GNAT2: variants seen among roughly 807,000 people sequenced by gnomAD.
GNAT2 encodes G protein subunit alpha transducin 2, also known as guanine nucleotide-binding protein G(t) subunit alpha-2.
GNAT2 carries 32 observed loss-of-function variants against 40.9 expected under a neutral mutation model. That is an observed-to-expected ratio of 0.78 (90% CI 0.59 to 1.05). The LOEUF (loss-of-function observed/expected upper bound fraction) is 1.05. Ranked by LOEUF, GNAT2 falls within the 50% of genes least tolerant of loss-of-function variation. The pLI, the probability that GNAT2 is intolerant of heterozygous loss-of-function variation, is 0.00. For missense variants in GNAT2, 355 were observed against 431.5 expected (o/e 0.82, Z 1.57); for synonymous variants, 141 against 157.2 (o/e 0.90, Z 0.77).
At chr1:109,618,221 T>G (rs1477091906) in intron 1 of GNAT2, 4 of 152,222 alleles carry the variant, frequency 2.6e-5, no homozygotes, top group Non-Finnish European at 1.5e-5. Context: ...CCCATGTATA[T>G]CACATAAGTA....
chr1:109,612,272 A>C (rs756026984), intron 2 of GNAT2: 8 of 189,758 alleles, frequency 4.2e-5, no homozygotes, highest in Non-Finnish European at 7.9e-5. Flanking sequence ...GAAAGCAAGA[A>C]GGAACCACTA....
chr1:109,612,764 A>T lies in GNAT2; in HGVS notation c.107T>A (p.Leu36Gln), dbSNP rs1240543072. 6.3e-7 allele frequency: 1 copy of T among 1,588,622 alleles called. No individual in the cohort carries two copies. Among genetic ancestry groups the T allele is most frequent in the South Asian group, 1.1e-5 (1 of 90,652 alleles). Residue 36 changes from leucine (L) to glutamine (Q), a missense_variant, in exon 2 of 9, where the codon CTG becomes CAG. By Grantham distance (113) the Leu-to-Gln change is moderately radical (BLOSUM62 -2). Coordinates refer to ENST00000679935, the MANE Select transcript of GNAT2 (RefSeq NM_001377295.2). ...DADKEAKTVKLLLLGAGESGK... is the reference protein window; with the variant it reads ...DADKEAKTVKQLLLGAGESGK... ...CCCATCTCACTCACCCAGCAGTAGC[A>T]GCTTGACAGTCTTGGCTTCCTTATC...
chr1:109,614,903 A>C (rs1425471591), intron 1 of GNAT2: 2 of 152,198 alleles, frequency 1.3e-5, no homozygotes, highest in East Asian at 3.9e-4. Context: ...CTTAAGGAAA[A>C]ACAGGAGAGT....
In GNAT2 at chr1:109,609,860, G is replaced by T. The variant is rs1649737173; in HGVS notation, c.303+180C>A. On this transcript the variant is annotated intron_variant, in intron 4 of 8. Transcript: ENST00000679935. ...TACCTTAAGGTCTTACTGCGTAGAT[G>T]GGTAAAGGGCCTTGAGATGGTATAC... 8.7e-6 allele frequency: 6 copies of T among 687,586 alleles called. No individual in the cohort carries two copies. The South Asian group carries it at 9.1e-5, about 10-fold the overall frequency. The allele number at this position is 687,586 out of a possible 1,614,324, so 42.6% of individuals were successfully genotyped here.
Position 109,603,377 on chromosome 1 carries a change from G to A in GNAT2, c.1042C>T (p.Leu348Phe), listed in dbSNP as rs1649490874. The A allele has an allele frequency of 6.2e-7, 1 of 1,600,270 alleles. No homozygotes were observed. Among genetic ancestry groups the A allele is most frequent in the African/African-American group, 1.3e-5 (1 of 74,582 alleles). ...GATTAGAAGAGGCCGCAGTCCTTGAGGTTTTCTTTGATGATAATATCTGTA... is the reference window on the plus strand; with the variant it reads ...GATTAGAAGAGGCCGCAGTCCTTGAAGTTTTCTTTGATGATAATATCTGTA... Reference protein sequence around the residue: ...AVTDIIIKENLKDCGLF With the variant: ...AVTDIIIKENFKDCGLF Residue 348 changes from leucine to phenylalanine, a missense_variant, in exon 9 of 9, where the codon CTC (leucine) becomes TTC (phenylalanine). By Grantham distance (22) the Leu-to-Phe change is conservative. Coordinates refer to ENST00000679935, the MANE Select transcript of GNAT2 (RefSeq NM_001377295.2).
chr1:109,607,580 A>G (rs1208980222), intron 5 of GNAT2: 1 of 152,200 alleles, frequency 6.6e-6, no homozygotes, highest in African/African-American at 2.4e-5. Flanking sequence ...TTAAACTCCT[A>G]AGCCATCAAG....
chr1:109,610,095 G>A lies in GNAT2; in HGVS notation c.248C>T (p.Ala83Val). 2 of 1,613,812 alleles carry A rather than the reference G, an allele frequency of 1.2e-6. No individual in the cohort carries two copies. Among genetic ancestry groups the A allele is most frequent in the Non-Finnish European group, 1.7e-6 (2 of 1,179,688 alleles). Reference protein sequence around the residue: ...IYGNVLQSILAIIRAMTTLGI... With the variant: ...IYGNVLQSILVIIRAMTTLGI... The stretch of plus-strand genomic sequence containing the variant: ...CAGTGTGGTCATGGCCCGGATGATA[G>A]CCAGGATGGACTGCAGCACATTTCC... The change falls in exon 4 of 9, where the codon GCT becomes GTT. Residue 83 changes from alanine (A) to valine (V), a missense_variant. Ala to Val is a moderately conservative substitution (Grantham distance 64). Transcript: ENST00000679935.
At position 109,603,516 on chromosome 1, in the gene GNAT2, A is replaced by G; in HGVS notation, c.903T>C (p.Asn301=). 1.9e-6 allele frequency: 3 copies of G among 1,610,940 alleles called. No homozygotes were observed. Among genetic ancestry groups the G allele is most frequent in the Non-Finnish European group, 1.7e-6 (2 of 1,177,156 alleles). Residue 301 remains asparagine (N), a synonymous_variant, in exon 9 of 9, where the codon AAT becomes AAC. Coordinates refer to ENST00000679935, the MANE Select transcript of GNAT2 (RefSeq NM_001377295.2). ...DGNNSYDDAG[N]YIKSQFLDLN... ...GGTCAAGGAACTGGCTCTTTATGTA[A>G]TTCCCCGCATCATCATAGGAGTTGT...
chr1:109,608,468 A>G (rs530205833), intron 5 of GNAT2, 163 bp downstream of exon 5: 1 of 719,058 alleles, frequency 1.4e-6, no homozygotes, highest in South Asian at 1.5e-5. Context: ...AATTCAAAAC[A>G]TTGCTGAAGC....
intron 5 of GNAT2, chr1:109,608,211 A>G (rs60869358): frequency 0.034 from 9,662 of 282,288 alleles, 890 homozygotes; most frequent in African/African-American, 0.19. Flanking sequence ...CCAGATAGAA[A>G]ATTCTGCCCT....
chr1:109,612,828 T>C lies in GNAT2; in HGVS notation c.43A>G (p.Arg15Gly), dbSNP rs1301191172. ...AGCTTCTTTTCTAGCTCCTTGGACC[T>C]CTTGGCCAGTTCTTTGTCCTCAGCA... ...ASAEDKELAK[R>G]SKELEKKLQE... Residue 15 changes from arginine (R) to glycine (G), a missense_variant, in exon 2 of 9, where the codon AGG (arginine) becomes GGG (glycine). By Grantham distance (125) the Arg-to-Gly change is moderately radical (BLOSUM62 -2). Transcript: ENST00000679935. 6.2e-7 allele frequency: 1 copy of C among 1,613,658 alleles called. No homozygotes were observed. The highest frequency in any genetic ancestry group is 1.7e-5 in the Admixed American group (1 of 60,024).
chr1:109,609,141 G>A (rs960070152), intron 4 of GNAT2: 4 of 352,390 alleles, frequency 1.1e-5, no homozygotes, highest in Admixed American at 7.8e-5. Context: ...GATTGACCAT[G>A]AAATAGACAA....
intron 5 of GNAT2, 56 bp downstream of exon 5, chr1:109,608,575 A>G: frequency 6.4e-7 from 1 of 1,551,834 alleles, no homozygotes; most frequent in South Asian, 1.1e-5. Flanking sequence ...ACCAGAGAGA[A>G]GACTGGCTAG....
At chr1:109,605,855 A>G (rs1312327969) in intron 7 of GNAT2, 115 bp downstream of exon 7, 2 of 885,136 alleles carry the variant, frequency 2.3e-6, no homozygotes, top group Non-Finnish European at 3.9e-6. Context: ...GGTCTGCTGG[A>G]GGGCTGCTAG....
intron 8 of GNAT2, 181 bp downstream of exon 8, chr1:109,603,770 T>A: frequency 1.5e-6 from 1 of 669,124 alleles, no homozygotes; most frequent in Non-Finnish European, 2.7e-6. Flanking sequence ...AGGTATCATA[T>A]GAAGTCAGTG....
At chr1:109,614,417 T>A (rs934321234) in intron 1 of GNAT2, 1 of 152,214 alleles carries the variant, frequency 6.6e-6, no homozygotes, top group Admixed American at 6.5e-5. Context: ...AGCATCAAAC[T>A]CCAGAGCCAG....
rs774099409 is a variant in GNAT2, at chr1:109,606,362, ACT to A, written c.534_535del (p.Arg178SerfsTer8). ...GGTTTCAATGATGCCCGTGGTTTTG[ACT>A]CTGGATCGGAGCACATCTTGCTCAC... On this transcript the variant is annotated frameshift_variant, in exon 6 of 9. Transcript: ENST00000679935. LOFTEE classifies it high-confidence loss of function. 1.4e-5 allele frequency: 23 copies of A among 1,612,498 alleles called. No homozygotes were observed. The highest frequency in any genetic ancestry group is 2.0e-5 in the Non-Finnish European group (23 of 1,178,728).
At chr1:109,619,067 TCCA>T (rs1048550285) in intron 1 of GNAT2, among the ~76,000 whole-genome samples, 8 of 152,200 alleles carry the variant, frequency 5.3e-5, no homozygotes, top group Admixed American at 4.6e-4. Context: ...GGGACTTCCC[TCCA>T]CAAGTTCCCT....
At chr1:109,614,348 TAGA>T (rs1233702565) in intron 1 of GNAT2, 1 of 152,224 alleles carries the variant, frequency 6.6e-6, no homozygotes, top group Non-Finnish European at 1.5e-5. Context: ...TGCCACTGAC[TAGA>T]AGATTACCCT....
Sources: gnomAD v4.1 joint callset for allele counts (sites outside exome capture counted in the v4.1 genomes callset) on GRCh38, gnomAD v4.1.1 for gene constraint, MANE v1.5 for transcripts, NCBI Gene and HGNC (gene_info 2026-07-23, HGNC 2026-07-21) for gene names.